MLIP: variants seen among roughly 807,000 people sequenced by gnomAD.
MLIP encodes the protein muscular LMNA interacting protein, also known as muscular LMNA-interacting protein.
A neutral mutation model predicts 84.8 loss-of-function variants in MLIP; 79 were observed. The ratio of observed to expected loss-of-function variants is 0.93; its 90% CI spans 0.78 to 1.12. MLIP has a LOEUF of 1.12. Ranked by LOEUF, MLIP falls within the 50% of genes most tolerant of loss-of-function variation. MLIP has a pLI of 0.00. For synonymous variants in MLIP, 504 were observed against 463.0 expected (o/e 1.09, Z -1.14); for missense variants, 1,257 against 1,160.6 (o/e 1.08, Z -1.21).
intron 8 of MLIP, among the ~76,000 whole-genome samples, chr6:54,169,088 T>C (rs1252615257): frequency 6.6e-6 from 1 of 151,604 alleles, no homozygotes; most frequent in East Asian, 1.9e-4. Flanking sequence ...TGTGGGACAT[T>C]TGTAATTGAA....
At chr6:54,224,317 T>C (rs753959610) in intron 11 of MLIP, among the ~76,000 whole-genome samples, 28 of 151,904 alleles carry the variant, frequency 1.8e-4, no homozygotes, top group Non-Finnish European at 2.9e-4. Context: ...CTCACCCTTA[T>C]GCAAGTGAAT....
Position 54,216,722 on chromosome 6 carries a change from A to G in MLIP, c.2719-13992A>G, listed in dbSNP as rs902057479. On this transcript the variant is annotated intron_variant, in intron 11 of 13. Coordinates refer to ENST00000502396, the MANE Select transcript of MLIP (RefSeq NM_001281747.2). ...TCAAAATATATGTGTTGCTTTAAAT[A>G]TGTCTGTTTGAAAAAATGCATATGG... 28 of 985,320 alleles carry G rather than the reference A, an allele frequency of 2.8e-5. No individual in the cohort carries two copies. In the Admixed American group the frequency reaches 3.1e-4, roughly 11 times the overall value. 61.0% of individuals were successfully genotyped at this position (985,320 alleles called of 1,614,324 possible).
chr6:54,157,619 T>C (rs919845521), intron 5 of MLIP, among the ~76,000 whole-genome samples: 1 of 152,100 alleles, frequency 6.6e-6, no homozygotes, highest in East Asian at 1.9e-4. Flanking sequence ...CAAACTGTTG[T>C]GGATTTTATC....
chr6:54,232,047 A>C (rs575441564), intron 12 of MLIP, among the ~76,000 whole-genome samples: 1 of 152,270 alleles, frequency 6.6e-6, no homozygotes, highest in East Asian at 1.9e-4. Context: ...ATTCAATATG[A>C]CATTTTTCTG....
At chr6:54,070,326 C>G (rs1423301398) in intron 1 of MLIP, among the ~76,000 whole-genome samples, 2 of 152,014 alleles carry the variant, frequency 1.3e-5, no homozygotes, top group East Asian at 3.9e-4. Flanking sequence ...ATTTTTATTT[C>G]CCCACCTCCC....
At chr6:54,022,630 A>G (rs1485941352) in intron 1 of MLIP, among the ~76,000 whole-genome samples, 1 of 152,170 alleles carries the variant, frequency 6.6e-6, no homozygotes, top group Non-Finnish European at 1.5e-5. Flanking sequence ...GTGCATCAAC[A>G]AAGAGTATTA....
chr6:54,171,677 T>A (rs1056866322), intron 9 of MLIP, among the ~76,000 whole-genome samples: 4 of 151,684 alleles, frequency 2.6e-5, no homozygotes, highest in East Asian at 3.9e-4. Flanking sequence ...ATCTTGTATG[T>A]CTTAAATACA....
intron 11 of MLIP, among the ~76,000 whole-genome samples, chr6:54,222,386 G>A (rs1780277461): frequency 6.6e-6 from 1 of 151,740 alleles, no homozygotes; most frequent in Admixed American, 6.6e-5. Flanking sequence ...CCTCCCCTCT[G>A]CCCCTGGTAA....
intron 1 of MLIP, among the ~76,000 whole-genome samples, chr6:54,088,559 A>G (rs1767649017): frequency 6.6e-6 from 1 of 152,182 alleles, no homozygotes; most frequent in Admixed American, 6.5e-5. Context: ...TCTGTCTCTC[A>G]GGTGTTAGAG....
intron 9 of MLIP, 97 bp from the exon 10 acceptor site, chr6:54,189,773 G>T: frequency 4.6e-6 from 4 of 862,942 alleles, no homozygotes; most frequent in South Asian, 4.6e-5. Context: ...TCCTATCATG[G>T]ACATATAATA....
At chr6:54,214,563 C>T (rs1356356853) in intron 11 of MLIP, among the ~76,000 whole-genome samples, 1 of 152,176 alleles carries the variant, frequency 6.6e-6, no homozygotes, top group African/African-American at 2.4e-5. Flanking sequence ...CATTCTTACT[C>T]TGATTAATTA....
At chr6:54,191,047 G>A (rs1777875228) in intron 10 of MLIP, among the ~76,000 whole-genome samples, 3 of 151,808 alleles carry the variant, frequency 2.0e-5, no homozygotes, top group Non-Finnish European at 4.4e-5. Context: ...CACCCGCCTC[G>A]ACCTCCCAAA....
At chr6:54,123,517 C>G (rs1273374380) in intron 2 of MLIP, among the ~76,000 whole-genome samples, 1 of 152,078 alleles carries the variant, frequency 6.6e-6, no homozygotes, top group Non-Finnish European at 1.5e-5. Flanking sequence ...TGTATAAAAT[C>G]AACTTTTTAG....
At chr6:54,051,046 A>T (rs934998451) in intron 1 of MLIP, among the ~76,000 whole-genome samples, 19 of 152,036 alleles carry the variant, frequency 1.2e-4, no homozygotes, top group South Asian at 4.1e-4. Flanking sequence ...GCACTTTTTC[A>T]AGAAGGTCTC....
At position 54,121,457 on chromosome 6, in the gene MLIP, G is replaced by A. The variant is rs1222139175; in HGVS notation, c.107G>A (p.Gly36Asp). Reference sequence around the variant, plus strand: ...CTACATGTCTCATAGGTCTCTGCTGGTGGTTCTGAAGCCAAACCTCTGATC... The same window carrying A: ...CTACATGTCTCATAGGTCTCTGCTGATGGTTCTGAAGCCAAACCTCTGATC... ...SIQTTPQVSAGGSEAKPLIFT... is the reference protein window; with the variant it reads ...SIQTTPQVSADGSEAKPLIFT... Residue 36 changes from glycine (G) to aspartate (D), a missense_variant, in exon 2 of 14, where the codon GGT becomes GAT. By Grantham distance (94) the Gly-to-Asp change is moderately conservative. Transcript: ENST00000502396. 6.2e-6 allele frequency: 10 copies of A among 1,613,880 alleles called. No individual in the cohort carries two copies. In the African/African-American group the frequency reaches 1.2e-4, roughly 19 times the overall value.
At chr6:54,172,513 C>T (rs749336278) in intron 9 of MLIP, among the ~76,000 whole-genome samples, 13 of 151,500 alleles carry the variant, frequency 8.6e-5, no homozygotes, top group Non-Finnish European at 1.6e-4. Flanking sequence ...GAGAAAGACA[C>T]TTTATTGTAG....
In MLIP at chr6:54,022,978, T is replaced by G. The variant is rs542466230; in HGVS notation, c.63+3887T>G. On this transcript the variant is annotated intron_variant, in intron 1 of 12. Coordinates refer to the MLIP transcript ENST00000274897. The stretch of plus-strand genomic sequence containing the variant: ...GTCAGGAGATCCAGACTATCCTGGC[T>G]AACACGGTGAAACACCATCTCTACT... Among the ~76,000 whole-genome samples the G allele has an allele frequency of 4.0e-3, 606 of 151,948 alleles. 3 individuals carry two copies. Among genetic ancestry groups the G allele is most frequent in the Middle Eastern group, 0.014 (4 of 294 alleles).
chr6:54,053,433 T>C (rs1765482681), intron 1 of MLIP, among the ~76,000 whole-genome samples: 1 of 152,218 alleles, frequency 6.6e-6, no homozygotes, highest in Admixed American at 6.5e-5. Context: ...CTCCTACTTC[T>C]CATTCTGGGA....
rs1297306760 is a variant in MLIP at position 54,067,870 on chromosome 6, C to T, written c.63+48779C>T. On this transcript the variant is annotated intron_variant, in intron 1 of 12. Coordinates refer to the MLIP transcript ENST00000274897. ...TACTTAAGGCTAAAGCAATATTCAC[C>T]GACCTACACATCAAGACACGATTGA... 2.1e-5 allele frequency among the ~76,000 whole-genome samples: 2 copies of T among 96,208 alleles called. 1 individual carries two copies. Among genetic ancestry groups the T allele is most frequent in the Non-Finnish European group, 6.0e-5 (2 of 33,082 alleles). 63.1% of individuals were successfully genotyped at this position (96,208 alleles called of 152,430 possible).
Sources: allele counts gnomAD v4.1 joint callset (sites outside exome capture counted in the v4.1 genomes callset), GRCh38; gene constraint gnomAD v4.1.1; transcripts MANE v1.5; gene names NCBI Gene and HGNC (gene_info 2026-07-23, HGNC 2026-07-21).